Variants in CHRM3 observed in about 807,000 individuals in gnomAD.
CHRM3 encodes cholinergic receptor muscarinic 3.
CHRM3 carries 11 observed loss-of-function variants against 41.8 expected under a neutral mutation model. The observed-to-expected ratio is 0.26, with a 90% CI of 0.17 to 0.44. CHRM3 has a LOEUF of 0.44. Ranked by LOEUF, CHRM3 falls within the 20% of genes least tolerant of loss-of-function variation. The pLI is 1.00. For synonymous variants in CHRM3, 297 were observed against 301.4 expected, an observed-to-expected ratio of 0.99 and a Z score of 0.15; for missense variants, 571 against 745.4, an observed-to-expected ratio of 0.77 and a Z score of 2.72.
chr1:239,513,381 A>G (rs1451582919), intron 2 of CHRM3, among the ~76,000 whole-genome samples: 1 of 151,984 alleles, frequency 6.6e-6, no homozygotes, highest in African/African-American at 2.4e-5. Flanking sequence ...TCTTAGTGAC[A>G]TATGATGTTT....
At chr1:239,390,599 C>CTTT (rs11316805) in intron 1 of CHRM3, among the ~76,000 whole-genome samples, 2 of 139,742 alleles carry the variant, frequency 1.4e-5, no homozygotes. Context: ...GCTTCCCTCA[C>CTTT]TTTTTTTTTT....
chr1:239,537,321 G>A (rs113766863), intron 2 of CHRM3, among the ~76,000 whole-genome samples: 3 of 152,234 alleles, frequency 2.0e-5, no homozygotes, highest in African/African-American at 7.2e-5. Flanking sequence ...GATAGCACTG[G>A]CATCTGCTTG....
intron 6 of CHRM3, among the ~76,000 whole-genome samples, chr1:239,869,981 A>G (rs1009624441): frequency 1.3e-5 from 2 of 152,080 alleles, no homozygotes; most frequent in African/African-American, 4.8e-5. Context: ...TCTCTCCCAA[A>G]CAGGTCATTT....
chr1:239,472,712 C>G (rs1309611104), intron 1 of CHRM3, among the ~76,000 whole-genome samples: 1 of 149,320 alleles, frequency 6.7e-6, no homozygotes, highest in Non-Finnish European at 1.5e-5. Flanking sequence ...ACAACACCCA[C>G]TAGGGCCTGT....
At chr1:239,729,493 T>C (rs905758967) in intron 5 of CHRM3, among the ~76,000 whole-genome samples, 7 of 151,958 alleles carry the variant, frequency 4.6e-5, no homozygotes, top group Non-Finnish European at 7.4e-5. Flanking sequence ...TCAAGTGAGC[T>C]GTCACTACAA....
At position 239,521,862 on chromosome 1, in the gene CHRM3, G is replaced by A. The variant is rs1207627530; in HGVS notation, c.-421-23779G>A. Among the ~76,000 whole-genome samples the A allele has an allele frequency of 3.3e-5, 5 of 152,198 alleles. No homozygotes were observed. In the East Asian group the frequency reaches 9.7e-4, roughly 29 times the overall value. Reference sequence around the variant, plus strand: ...CGTTACATTGTACTAGATATTACAAGTAATCTAGAGATGATTTAAGATACA... The same window carrying A: ...CGTTACATTGTACTAGATATTACAAATAATCTAGAGATGATTTAAGATACA... On this transcript the variant is annotated intron_variant, in intron 2 of 6. Coordinates refer to ENST00000676153, the MANE Select transcript of CHRM3 (RefSeq NM_001375978.1).
rs1286588459 is a variant in CHRM3, at chr1:239,874,302, T to TATATCTATATACACAGTATATAG, written c.-19-33127_-19-33126insCTATATACACAGTATATAGATAT. Among the ~76,000 whole-genome samples the TATATCTATATACACAGTATATAG allele has an allele frequency of 1.4e-4, 17 of 123,320 alleles. 1 individual carries two copies. The highest frequency in any genetic ancestry group is 3.4e-4 in the African/African-American group (9 of 26,716). The allele number at this position is 123,320 out of a possible 152,430, so 80.9% of individuals were successfully genotyped here. On this transcript the variant is annotated intron_variant, in intron 6 of 6. Transcript: ENST00000676153. The stretch of plus-strand genomic sequence containing the variant: ...TATACACAGTATATATATATATATA[T>TATATCTATATACACAGTATATAG]ATATATATATATATATATATATATA...
intron 3 of CHRM3, among the ~76,000 whole-genome samples, chr1:239,579,476 G>A (rs1042919471): frequency 1.3e-5 from 2 of 152,112 alleles, no homozygotes; most frequent in Non-Finnish European, 2.9e-5. Context: ...AAGGTCACCA[G>A]CCTTATCTAA....
At chr1:239,843,261 C>T (rs1305525420) in intron 6 of CHRM3, among the ~76,000 whole-genome samples, 1 of 152,132 alleles carries the variant, frequency 6.6e-6, no homozygotes, top group Non-Finnish European at 1.5e-5. Context: ...TCTTCAAATC[C>T]TAGCACAAGT....
chr1:239,532,873 C>A (rs1657791143), intron 2 of CHRM3, among the ~76,000 whole-genome samples: 1 of 152,226 alleles, frequency 6.6e-6, no homozygotes, highest in Non-Finnish European at 1.5e-5. Context: ...AAAATATTAT[C>A]TATGTCTTTA....
At chr1:239,899,275 C>CTG (rs1679278906) in intron 6 of CHRM3, among the ~76,000 whole-genome samples, 2 of 94,770 alleles carry the variant, frequency 2.1e-5, no homozygotes, top group Non-Finnish European at 4.2e-5. Context: ...ATTTTGAACT[C>CTG]AGTGTGTGTG....
intron 1 of CHRM3, among the ~76,000 whole-genome samples, chr1:239,394,136 G>C (rs768854812): frequency 2.6e-5 from 4 of 152,152 alleles, no homozygotes; most frequent in African/African-American, 4.8e-5. Flanking sequence ...GGTTGGAAGG[G>C]GATGTTAGAT....
intron 1 of CHRM3, among the ~76,000 whole-genome samples, chr1:239,450,129 T>C (rs1664458242): frequency 6.6e-6 from 1 of 152,230 alleles, no homozygotes; most frequent in Non-Finnish European, 1.5e-5. Context: ...GTTACCCTTC[T>C]ATGCTCATTT....
At chr1:239,828,353 C>T (rs479152) in intron 6 of CHRM3, among the ~76,000 whole-genome samples, 118,906 of 152,016 alleles carry the variant, frequency 0.78, 48,180 homozygotes, top group East Asian at 0.99. Flanking sequence ...TATATATATG[C>T]ACCTATATAG....
intron 2 of CHRM3, among the ~76,000 whole-genome samples, chr1:239,507,577 C>A (rs765084792): frequency 1.3e-5 from 2 of 152,162 alleles, no homozygotes; most frequent in African/African-American, 2.4e-5. Context: ...TGATTATATT[C>A]TTGATAATAA....
intron 1 of CHRM3, among the ~76,000 whole-genome samples, chr1:239,491,701 C>T (rs1667565360): frequency 6.6e-6 from 1 of 152,122 alleles, no homozygotes; most frequent in South Asian, 2.1e-4. Flanking sequence ...ATATGTGGCC[C>T]ATAGTGGGAT....
intron 5 of CHRM3, among the ~76,000 whole-genome samples, chr1:239,761,261 C>T (rs1339414498): frequency 2.0e-5 from 3 of 152,166 alleles, no homozygotes; most frequent in African/African-American, 7.2e-5. Context: ...TATGATTTTC[C>T]TTATCATGTT....
chr1:239,524,096 C>A (rs1049443882), intron 2 of CHRM3, among the ~76,000 whole-genome samples: 1 of 152,090 alleles, frequency 6.6e-6, no homozygotes, highest in African/African-American at 2.4e-5. Flanking sequence ...AAACCTGCAT[C>A]CCACCTTTGT....
Position 239,908,790 on chromosome 1 carries a change from G to T in CHRM3, c.1339G>T (p.Val447Leu). Residue 447 changes from valine (V) to leucine (L), a missense_variant, in exon 7 of 7, where the codon GTG becomes TTG. Transcript: ENST00000676153. This position sits in a 1 kb window ranked among gnomAD's most constrained non-coding sequence, Gnocchi z 7.2. ...TAAGACTTCTGACGTCAACTCCTCA[G>T]TGGGTAAGAGCACGGCCACTCTACC... ...TAKTSDVNSS[V>L]GKSTATLPLS... 6.2e-7 allele frequency: 1 copy of T among 1,614,128 alleles called. No individual in the cohort carries two copies. The highest frequency in any genetic ancestry group is 1.1e-5 in the South Asian group (1 of 91,074).
Sources: allele counts gnomAD v4.1 joint callset (sites outside exome capture counted in the v4.1 genomes callset), GRCh38; gene constraint gnomAD v4.1.1; non-coding constraint Gnocchi (gnomAD v3.1); transcripts MANE v1.5; gene names NCBI Gene and HGNC (gene_info 2026-07-23, HGNC 2026-07-21).